Variants in DNAJC15 observed in about 807,000 individuals in gnomAD.
DNAJC15 encodes dnaJ homolog subfamily C member 15.
In DNAJC15, 27 loss-of-function variants were observed where a neutral mutation model predicts 22.4. The ratio of observed to expected loss-of-function variants is 1.20; its 90% CI spans 0.89 to 1.66. The LOEUF is 1.66. Among genes scored for constraint, DNAJC15 ranks in the 40% most tolerant of loss-of-function variants. DNAJC15 has a pLI of 0.00. For missense variants in DNAJC15, 208 were observed against 187.1 expected, an observed-to-expected ratio of 1.11 and a Z score of -0.65; for synonymous variants, 79 against 63.2, an observed-to-expected ratio of 1.25 and a Z score of -1.19.
chr13:43,063,196 G>A (rs946613926), intron 1 of DNAJC15, among the ~76,000 whole-genome samples: 1 of 151,112 alleles, frequency 6.6e-6, no homozygotes, highest in Non-Finnish European at 1.5e-5. Flanking sequence ...TTTTAATAGA[G>A]ACGGGGTTTC....
At chr13:43,048,222 A>G (rs998732040) in intron 1 of DNAJC15, among the ~76,000 whole-genome samples, 20 of 151,986 alleles carry the variant, frequency 1.3e-4, no homozygotes, top group Admixed American at 9.2e-4. Flanking sequence ...GCTTACGCCT[A>G]TTATCCCAGC....
rs2040830063 is a variant in DNAJC15 at position 43,112,583 on chromosome 13, A to G, written c.*5335A>G. ...AATTAGAATAAGTTCATTTTAAGAA[A>G]AGCATTAATAATATTAGCTAACGTT... On this transcript the variant is annotated 3_prime_UTR_variant, in exon 6 of 6. Transcript: ENST00000379221. 6.6e-6 allele frequency: 1 copy of G among 152,260 alleles called. No individual in the cohort carries two copies. Among genetic ancestry groups the G allele is most frequent in the Non-Finnish European group, 1.5e-5 (1 of 68,046 alleles). 9.4% of individuals were successfully genotyped at this position (152,260 alleles called of 1,614,324 possible).
chr13:43,059,514 G>A (rs1209917774), intron 1 of DNAJC15, among the ~76,000 whole-genome samples: 1 of 152,114 alleles, frequency 6.6e-6, no homozygotes, highest in Non-Finnish European at 1.5e-5. Context: ...ACGGGCGTGC[G>A]CCACCATGCC....
intron 1 of DNAJC15, among the ~76,000 whole-genome samples, chr13:43,046,355 T>G (rs2040476921): frequency 1.3e-5 from 2 of 152,174 alleles, no homozygotes; most frequent in South Asian, 4.1e-4. Flanking sequence ...GTCACCAGTA[T>G]GGTACACATA....
intron 1 of DNAJC15, among the ~76,000 whole-genome samples, chr13:43,031,947 G>T (rs1334955986): frequency 1.3e-5 from 2 of 152,232 alleles, no homozygotes; most frequent in Admixed American, 1.3e-4. Flanking sequence ...GAGTTGTTGA[G>T]AAATGAAACT....
At chr13:43,043,157 A>C (rs916096304) in intron 1 of DNAJC15, among the ~76,000 whole-genome samples, 7 of 152,186 alleles carry the variant, frequency 4.6e-5, no homozygotes, top group African/African-American at 1.4e-4. Flanking sequence ...CTCAGGCCGG[A>C]GTCCAGTGGT....
At position 43,109,692 on chromosome 13, in the gene DNAJC15, T is replaced by A. The variant is rs2040815220; in HGVS notation, c.*2444T>A. The A allele has an allele frequency of 6.6e-6, 1 of 151,876 alleles. No individual in the cohort carries two copies. Among genetic ancestry groups the A allele is most frequent in the African/African-American group, 2.4e-5 (1 of 41,374 alleles). 9.4% of individuals were successfully genotyped at this position (151,876 alleles called of 1,614,324 possible). A position where few individuals can be genotyped will look rare whatever the true frequency, so the allele number is the denominator to read the frequency against. On this transcript the variant is annotated 3_prime_UTR_variant, in exon 6 of 6. Transcript: ENST00000379221. ...ATCTATAAAATAGAGAAAATAATCC[T>A]ACACACCGGGGCCTGTTGTGGGGCG...
chr13:43,046,589 A>G (rs1312410683), intron 1 of DNAJC15, among the ~76,000 whole-genome samples: 1 of 152,190 alleles, frequency 6.6e-6, no homozygotes, highest in African/African-American at 2.4e-5. Flanking sequence ...GTCAAATCAT[A>G]TATCGCCTGA....
Position 43,069,004 on chromosome 13 carries a change from G to A in DNAJC15, c.234+1G>A. ...AACTGCAAAGAAGATTTCAACTCCT[G>A]TAAGTTAAACGTGGCTTTAGTTAGA... On this transcript the variant is annotated splice_donor_variant, in intron 3 of 5. Coordinates refer to ENST00000379221, the MANE Select transcript of DNAJC15 (RefSeq NM_013238.3). LOFTEE classifies it high-confidence loss of function. 1.2e-6 allele frequency: 2 copies of A among 1,610,946 alleles called. No homozygotes were observed. The highest frequency in any genetic ancestry group is 1.7e-6 in the Non-Finnish European group (2 of 1,178,562).
chr13:43,039,912 G>T (rs566644261), intron 1 of DNAJC15, among the ~76,000 whole-genome samples: 1 of 152,202 alleles, frequency 6.6e-6, no homozygotes, highest in Non-Finnish European at 1.5e-5. Context: ...CCATTTACTC[G>T]GGAAGCTGAG....
chr13:43,082,971 G>T (rs970210921), intron 4 of DNAJC15, among the ~76,000 whole-genome samples: 1 of 151,568 alleles, frequency 6.6e-6, no homozygotes, highest in African/African-American at 2.4e-5. Flanking sequence ...AGGGCCACAT[G>T]GTGATGAAAT....
intron 1 of DNAJC15, among the ~76,000 whole-genome samples, chr13:43,056,322 G>A (rs2040531239): frequency 6.6e-6 from 1 of 151,984 alleles, no homozygotes; most frequent in South Asian, 2.1e-4. Context: ...ATTTTTAGTA[G>A]AGACATGGTT....
At chr13:43,024,175 G>C (rs2040366999) in intron 1 of DNAJC15, among the ~76,000 whole-genome samples, 1 of 151,890 alleles carries the variant, frequency 6.6e-6, no homozygotes, top group East Asian at 1.9e-4. Context: ...AAAGTGTTTC[G>C]GGTACCAGGA....
At chr13:43,073,777 A>T (rs886459045) in intron 3 of DNAJC15, among the ~76,000 whole-genome samples, 1 of 151,600 alleles carries the variant, frequency 6.6e-6, no homozygotes, top group African/African-American at 2.4e-5. Flanking sequence ...CAGTGTCTTT[A>T]CTCATTTCAA....
At chr13:43,080,788 T>C (rs1181088868) in intron 4 of DNAJC15, among the ~76,000 whole-genome samples, 1 of 152,280 alleles carries the variant, frequency 6.6e-6, no homozygotes, top group African/African-American at 2.4e-5. Context: ...GAAAAAAATT[T>C]GGCTCCTGTT....
rs771488218 is a variant in DNAJC15, at chr13:43,085,808, A to T, written c.352A>T (p.Arg118Ter). The change falls in exon 5 of 6, where the codon AGA becomes TGA. Residue 118 changes from arginine (R) to a stop codon, truncating the protein, a stop_gained. Transcript: ENST00000379221. LOFTEE classifies it high-confidence loss of function. ...GGCTAAGATTAGAACAGCTCATAGG[A>T]GAGTCATGATTTTGAATCACCCAGA... ...GKAKIRTAHR[R>*]VMILNHPDKG... 6.2e-7 allele frequency: 1 copy of T among 1,613,620 alleles called. No homozygotes were observed. The highest frequency in any genetic ancestry group is 8.5e-7 in the Non-Finnish European group (1 of 1,179,842).
intron 1 of DNAJC15, among the ~76,000 whole-genome samples, chr13:43,052,829 C>T (rs2040511957): frequency 1.3e-5 from 2 of 152,000 alleles, no homozygotes; most frequent in South Asian, 4.1e-4. Flanking sequence ...AAAGATTTTC[C>T]CCTACTCTGT....
At chr13:43,036,614 G>A (rs990710913) in intron 1 of DNAJC15, among the ~76,000 whole-genome samples, 5 of 152,194 alleles carry the variant, frequency 3.3e-5, no homozygotes, top group African/African-American at 1.2e-4. Flanking sequence ...GAGGGGTTCT[G>A]CCAGGGACCC....
chr13:43,073,027 AGTT>A (rs764447439), intron 3 of DNAJC15, among the ~76,000 whole-genome samples: 78 of 152,264 alleles, frequency 5.1e-4, no homozygotes, highest in Non-Finnish European at 8.5e-4. Flanking sequence ...TCCTAAAGTC[AGTT>A]GTTATGTGTT....
Sources: allele counts gnomAD v4.1 joint callset (sites outside exome capture counted in the v4.1 genomes callset), GRCh38; gene constraint gnomAD v4.1.1; transcripts MANE v1.5; gene names NCBI Gene and HGNC (gene_info 2026-07-23, HGNC 2026-07-21).